TRPM3: variants seen among roughly 807,000 people sequenced by gnomAD.
The protein encoded by TRPM3 is long transient receptor potential channel 3.
In TRPM3, 77 loss-of-function variants were observed where a neutral mutation model predicts 181.2. The observed-to-expected ratio is 0.42, with a 90% CI of 0.35 to 0.51. The LOEUF is 0.51. Among genes scored for constraint, TRPM3 ranks in the 20% least tolerant of loss-of-function variants. TRPM3 has a pLI of 0.01. For missense variants in TRPM3, 1,759 were observed against 2,196.7 expected (o/e 0.80, Z 3.98); for synonymous variants, 745 against 796.4 (o/e 0.94, Z 1.09).
intron 1 of TRPM3, among the ~76,000 whole-genome samples, chr9:70,880,590 C>G (rs189664100): frequency 1.3e-5 from 2 of 151,838 alleles, no homozygotes; most frequent in African/African-American, 2.4e-5. Context: ...TTGTGTGCAC[C>G]CTGGCCAGGT....
intron 1 of TRPM3, chr9:70,917,565 T>TTTTTTTTTTTTTTTTTTTTTTGAGACGGA (rs1554769109): frequency 3.3e-6 from 2 of 599,218 alleles, no homozygotes; most frequent in Non-Finnish European, 3.1e-6. Flanking sequence ...AGTGTTAAGT[T>TTTTTTTTTTTTTTTTTTTTTTGAGACGGA]GTTATATCAA....
exon 1 of TRPM3, chr9:71,446,810 G>T (rs764872310): frequency 6.5e-7 from 1 of 1,548,510 alleles, no homozygotes; most frequent in Admixed American, 2.0e-5. Flanking sequence ...CTCCATTTCC[G>T]CCGCATCCCT....
In TRPM3 at chr9:70,864,610, TAA is replaced by T. The variant is rs770573387; in HGVS notation, c.178-101_178-100del. 18 of 707,230 alleles carry T rather than the reference TAA, an allele frequency of 2.5e-5. No individual in the cohort carries two copies. The South Asian group carries it at 3.9e-4, about 15-fold the overall frequency. 43.8% of individuals were successfully genotyped at this position (707,230 alleles called of 1,614,324 possible). ...TAGAAAGCAAAATTTCATAATCACA[TAA>T]GAGACTAGTATATCACAAATTGAAC... is the stretch of plus-strand genomic sequence containing the variant. On this transcript the variant is annotated intron_variant, in intron 1 of 25. Coordinates refer to ENST00000677713, the MANE Select transcript of TRPM3 (RefSeq NM_001366145.2).
At chr9:70,551,077 A>G (rs1175081153) in intron 24 of TRPM3, among the ~76,000 whole-genome samples, 1 of 152,206 alleles carries the variant, frequency 6.6e-6, no homozygotes, top group Non-Finnish European at 1.5e-5. Flanking sequence ...ACTTCATTTA[A>G]CTTCTTTGGC....
chr9:71,411,270 A>G (rs2093543915), intron 1 of TRPM3, among the ~76,000 whole-genome samples: 1 of 152,272 alleles, frequency 6.6e-6, no homozygotes, highest in Non-Finnish European at 1.5e-5. Context: ...AGACAGGAGA[A>G]AGAAATAAAG....
At chr9:70,963,376 AC>A (rs1040053099) in intron 1 of TRPM3, among the ~76,000 whole-genome samples, 37 of 152,284 alleles carry the variant, frequency 2.4e-4, no homozygotes, top group African/African-American at 8.9e-4. Flanking sequence ...AACAATACAT[AC>A]CATTTTATTC....
intron 11 of TRPM3, among the ~76,000 whole-genome samples, chr9:70,638,714 T>G (rs1457593583): frequency 6.6e-6 from 1 of 152,142 alleles, no homozygotes; most frequent in Non-Finnish European, 1.5e-5. Context: ...ATGCTTAGAG[T>G]TAAACCAACC....
intron 1 of TRPM3, among the ~76,000 whole-genome samples, chr9:71,373,589 T>C (rs2092587604): frequency 6.6e-6 from 1 of 152,058 alleles, no homozygotes; most frequent in Non-Finnish European, 1.5e-5. Context: ...AAGAACTGAA[T>C]CTCTGAATAG....
intron 1 of TRPM3, among the ~76,000 whole-genome samples, chr9:70,874,167 T>C (rs1431300358): frequency 6.6e-6 from 1 of 151,994 alleles, no homozygotes; most frequent in Non-Finnish European, 1.5e-5. Context: ...ATTCAGAATG[T>C]TCATGTAGCA....
chr9:71,265,178 ATTAC>A (rs1178545426), intron 1 of TRPM3, among the ~76,000 whole-genome samples: 1 of 152,198 alleles, frequency 6.6e-6, no homozygotes, highest in African/African-American at 2.4e-5. Context: ...AGCCACTCAT[ATTAC>A]TTACAAAATA....
intron 1 of TRPM3, among the ~76,000 whole-genome samples, chr9:71,112,918 C>T (rs1367950201): frequency 6.6e-6 from 1 of 152,068 alleles, no homozygotes; most frequent in Non-Finnish European, 1.5e-5. Context: ...TGCAGGTTTT[C>T]CAGGCAGTAG....
intron 1 of TRPM3, among the ~76,000 whole-genome samples, chr9:71,305,462 T>G (rs1427497462): frequency 2.0e-5 from 3 of 152,146 alleles, no homozygotes; most frequent in African/African-American, 7.2e-5. Context: ...GCAGCTGCTG[T>G]TGGTACTTTT....
At chr9:70,779,692 G>C (rs980137825) in intron 7 of TRPM3, among the ~76,000 whole-genome samples, 1 of 152,070 alleles carries the variant, frequency 6.6e-6, no homozygotes, top group Admixed American at 6.6e-5. Flanking sequence ...AAAAAACTTA[G>C]GTGATTTAAT....
intron 1 of TRPM3, among the ~76,000 whole-genome samples, chr9:70,985,594 A>G (rs961157756): frequency 1.3e-5 from 2 of 152,222 alleles, no homozygotes; most frequent in Non-Finnish European, 2.9e-5. Context: ...TTTTTTAAAT[A>G]AAAGTTGTCT....
intron 1 of TRPM3, among the ~76,000 whole-genome samples, chr9:71,278,004 T>C (rs2084359496): frequency 6.6e-6 from 1 of 152,154 alleles, no homozygotes. Flanking sequence ...CGCAGCACAT[T>C]TTGTTCTAGT....
chr9:71,137,577 T>C lies in TRPM3; in HGVS notation c.184-273066A>G, dbSNP rs548131137. ...GCAATTCTAATTATCTTAATCTTTTTCCTGGAAAAATATAGCTCTTCTTTT... is the reference window on the plus strand; with the variant it reads ...GCAATTCTAATTATCTTAATCTTTTCCCTGGAAAAATATAGCTCTTCTTTT... On this transcript the variant is annotated intron_variant, in intron 1 of 24. Coordinates refer to the TRPM3 transcript ENST00000357533. 2.6e-5 allele frequency among the ~76,000 whole-genome samples: 4 copies of C among 152,290 alleles called. No homozygotes were observed. The East Asian group carries it at 7.7e-4, about 29-fold the overall frequency.
chr9:70,739,819 T>C (rs1236639212), intron 8 of TRPM3, among the ~76,000 whole-genome samples: 2 of 152,120 alleles, frequency 1.3e-5, no homozygotes, highest in African/African-American at 4.8e-5. Context: ...AATTTCACCA[T>C]GTTGGCTAGG....
chr9:71,375,773 A>G (rs907573030), intron 1 of TRPM3, among the ~76,000 whole-genome samples: 1 of 152,180 alleles, frequency 6.6e-6, no homozygotes, highest in African/African-American at 2.4e-5. Flanking sequence ...ACATTGAGGC[A>G]AGACCCTCCA....
At position 70,533,116 on chromosome 9, in the gene TRPM3, T is replaced by C. The variant is rs972528022; in HGVS notation, c.*2837A>G. On this transcript the variant is annotated 3_prime_UTR_variant, in exon 26 of 26. Coordinates refer to ENST00000677713, the MANE Select transcript of TRPM3 (RefSeq NM_001366145.2). The stretch of plus-strand genomic sequence containing the variant: ...TCAGGTAATTGCAAGATCAGGACTG[T>C]TGAGTATTTCGTTTCCCAGTTCCTA... 6.6e-6 allele frequency: 1 copy of C among 152,198 alleles called. No homozygotes were observed. Among genetic ancestry groups the C allele is most frequent in the Non-Finnish European group, 1.5e-5 (1 of 68,028 alleles). 9.4% of individuals were successfully genotyped at this position (152,198 alleles called of 1,614,324 possible).
Sources: allele counts gnomAD v4.1 joint callset (sites outside exome capture counted in the v4.1 genomes callset), GRCh38; gene constraint gnomAD v4.1.1; transcripts MANE v1.5; gene names NCBI Gene and HGNC (gene_info 2026-07-23, HGNC 2026-07-21).